Variants in TCF7L2 observed in about 807,000 individuals in gnomAD.
The protein encoded by TCF7L2 is transcription factor 7-like 2.
TCF7L2 carries 23 observed loss-of-function variants against 77.9 expected under a neutral mutation model. The ratio of observed to expected loss-of-function variants is 0.30; its 90% CI spans 0.21 to 0.42. TCF7L2 has a LOEUF of 0.42. TCF7L2 is among the 10% of genes least tolerant of loss of function. TCF7L2 has a pLI of 1.00. For synonymous variants in TCF7L2, 413 were observed against 340.2 expected, an observed-to-expected ratio of 1.21 and a Z score of -2.36; for missense variants, 654 against 793.1, an observed-to-expected ratio of 0.82 and a Z score of 2.11.
rs752060378 is a variant in TCF7L2, at chr10:113,165,952, G to A, written c.1789G>A (p.Val597Ile). The A allele has an allele frequency of 1.1e-5, 17 of 1,532,476 alleles. No homozygotes were observed. Among genetic ancestry groups the A allele is most frequent in the East Asian group, 9.1e-5 (4 of 43,878 alleles). 94.9% of individuals were successfully genotyped at this position (1,532,476 alleles called of 1,614,324 possible). The change falls in exon 14 of 14, where the codon GTC (valine) becomes ATC (isoleucine). Residue 597 changes from valine (V) to isoleucine (I), a missense_variant. Physicochemically the swap from Val to Ile is conservative, Grantham distance 29. Coordinates refer to ENST00000627217, the MANE Select transcript of TCF7L2 (RefSeq NM_001146274.2). ...GACCCAGCCCCAGCCGCTGTCGCTC[G>A]TCACCAAGTCTTTAGAATAGCTTTA...
At chr10:113,164,160 C>T (rs1018492167) in intron 13 of TCF7L2, among the ~76,000 whole-genome samples, 2 of 152,198 alleles carry the variant, frequency 1.3e-5, no homozygotes, top group Non-Finnish European at 2.9e-5. Context: ...CCCAGGCTCA[C>T]CTTTCCTTAC....
At chr10:113,107,311 A>G (rs1017756742) in intron 5 of TCF7L2, among the ~76,000 whole-genome samples, 3 of 152,064 alleles carry the variant, frequency 2.0e-5, no homozygotes, top group African/African-American at 7.2e-5. Context: ...TTCAAATCTT[A>G]GCACTTTGTA....
chr10:113,017,277 T>C (rs182711017), intron 4 of TCF7L2, among the ~76,000 whole-genome samples: 23 of 152,316 alleles, frequency 1.5e-4, no homozygotes, highest in Admixed American at 1.3e-3. Flanking sequence ...ACTTTTCTCA[T>C]TGATTTCCTC....
chr10:113,073,847 G>C (rs1037783179), intron 5 of TCF7L2, among the ~76,000 whole-genome samples: 2 of 152,198 alleles, frequency 1.3e-5, no homozygotes, highest in East Asian at 3.9e-4. Flanking sequence ...CCATCCTTGC[G>C]GCCTGGACGA....
At chr10:113,054,971 GTATT>G (rs1461549967) in intron 5 of TCF7L2, among the ~76,000 whole-genome samples, 1 of 151,584 alleles carries the variant, frequency 6.6e-6, no homozygotes, top group Non-Finnish European at 1.5e-5. Context: ...CTGCTCTGTA[GTATT>G]TATTGTATGC....
intron 4 of TCF7L2, among the ~76,000 whole-genome samples, chr10:113,036,547 A>G (rs1317853924): frequency 6.6e-6 from 1 of 152,190 alleles, no homozygotes; most frequent in African/African-American, 2.4e-5. Context: ...CACAGGTCCA[A>G]AGCTTAACTT....
At chr10:113,046,186 G>T (rs1590949987) in intron 5 of TCF7L2, among the ~76,000 whole-genome samples, 1 of 152,168 alleles carries the variant, frequency 6.6e-6, no homozygotes, top group South Asian at 2.1e-4. Flanking sequence ...TGGGTTCATG[G>T]TGTGGCAGGT....
chr10:113,140,061 G>A (rs1410708417), intron 5 of TCF7L2, among the ~76,000 whole-genome samples: 2 of 152,014 alleles, frequency 1.3e-5, no homozygotes, highest in African/African-American at 2.4e-5. Flanking sequence ...CTTTATCTTC[G>A]CTGGTACCTA....
At chr10:113,113,464 G>T (rs115415015) in intron 5 of TCF7L2, among the ~76,000 whole-genome samples, 5,246 of 152,236 alleles carry the variant, frequency 0.034, 292 homozygotes, top group African/African-American at 0.12. Context: ...AGGATGAGCT[G>T]CCTGGGCTGG....
At chr10:113,155,686 C>T (rs2071726384) in intron 11 of TCF7L2, among the ~76,000 whole-genome samples, 1 of 152,232 alleles carries the variant, frequency 6.6e-6, no homozygotes, top group South Asian at 2.1e-4. Flanking sequence ...TATGTGGATG[C>T]TGATACTCCT....
chr10:113,096,388 A>C (rs1033133899), intron 5 of TCF7L2, among the ~76,000 whole-genome samples: 1 of 152,134 alleles, frequency 6.6e-6, no homozygotes. Flanking sequence ...AGCAGATCTG[A>C]GTTCTTATTC....
chr10:112,997,212 T>A (rs778501277), intron 4 of TCF7L2, among the ~76,000 whole-genome samples: 3 of 152,240 alleles, frequency 2.0e-5, no homozygotes, highest in Non-Finnish European at 4.4e-5. Context: ...GCTGGTAGAA[T>A]GTTTCTCAAC....
chr10:113,089,613 T>A lies in TCF7L2; in HGVS notation c.552+49487T>A, dbSNP rs569321082. 7 of 1,567,210 alleles carry A rather than the reference T, an allele frequency of 4.5e-6. No homozygotes were observed. The African/African-American group carries it at 5.4e-5, about 12-fold the overall frequency. On this transcript the variant is annotated intron_variant, in intron 5 of 13. Coordinates refer to ENST00000627217, the MANE Select transcript of TCF7L2 (RefSeq NM_001146274.2). ...TGAAGCCGCCCACCCAAAGTTTACC[T>A]CTCTCTAGGGCAGGGCCCATCCACT...
rs367940722 is a variant in TCF7L2, at chr10:113,152,458, G to T, written c.1269+18G>T. ...ATAACTATGTAGGTGGATCATTTTC[G>T]TTAGGATTGGAGTCTGTAGAGCTGT... On this transcript the variant is annotated intron_variant, in intron 11 of 13. Coordinates refer to ENST00000627217, the MANE Select transcript of TCF7L2 (RefSeq NM_001146274.2). 2 of 1,594,432 alleles carry T rather than the reference G, an allele frequency of 1.3e-6. No individual in the cohort carries two copies. Among genetic ancestry groups the T allele is most frequent in the Non-Finnish European group, 1.7e-6 (2 of 1,164,240 alleles).
intron 4 of TCF7L2, among the ~76,000 whole-genome samples, chr10:113,004,074 C>T (rs572759603): frequency 6.6e-6 from 1 of 152,292 alleles, no homozygotes; most frequent in East Asian, 1.9e-4. Context: ...GTTGATTGCC[C>T]AGTATCAGTT....
At chr10:113,103,132 T>C (rs1380180769) in intron 5 of TCF7L2, among the ~76,000 whole-genome samples, 2 of 152,184 alleles carry the variant, frequency 1.3e-5, no homozygotes, top group Admixed American at 1.3e-4. Flanking sequence ...AAAGTAATTG[T>C]TAGGACTGGG....
intron 5 of TCF7L2, among the ~76,000 whole-genome samples, chr10:113,084,432 A>G (rs1246754871): frequency 3.3e-5 from 5 of 152,228 alleles, no homozygotes; most frequent in Non-Finnish European, 5.9e-5. Context: ...GAGGAAGATC[A>G]GCCTTGTATT....
intron 5 of TCF7L2, among the ~76,000 whole-genome samples, chr10:113,099,348 G>A (rs1432431641): frequency 1.3e-5 from 2 of 152,194 alleles, no homozygotes; most frequent in Non-Finnish European, 2.9e-5. Flanking sequence ...AAGATGGTAT[G>A]TCTGTAGATT....
At chr10:113,010,472 T>C (rs1018771725) in intron 4 of TCF7L2, among the ~76,000 whole-genome samples, 4 of 152,154 alleles carry the variant, frequency 2.6e-5, no homozygotes, top group Non-Finnish European at 2.9e-5. Context: ...GTCCTATGCG[T>C]TCTGTGCCGA....
Sources: allele counts gnomAD v4.1 joint callset (sites outside exome capture counted in the v4.1 genomes callset), GRCh38; gene constraint gnomAD v4.1.1; transcripts MANE v1.5; gene names NCBI Gene and HGNC (gene_info 2026-07-23, HGNC 2026-07-21).